The following APOBEC1 variants were observed in gnomAD, a reference collection of about 807,000 sequenced individuals.
APOBEC1 encodes the protein C->U-editing enzyme APOBEC-1.
A neutral mutation model predicts 26.3 loss-of-function variants in APOBEC1; 22 were observed. The ratio of observed to expected loss-of-function variants is 0.84; its 90% CI spans 0.60 to 1.19. The LOEUF (loss-of-function observed/expected upper bound fraction) is 1.19. Among genes scored for constraint, APOBEC1 ranks in the 50% most tolerant of loss-of-function variants. APOBEC1 has a pLI of 0.00. For missense variants in APOBEC1, 253 were observed against 289.0 expected (o/e 0.88, Z 0.90); for synonymous variants, 77 against 95.3 (o/e 0.81, Z 1.12).
intron 1 of APOBEC1, among the ~76,000 whole-genome samples, chr12:7,655,046 C>CA (rs1863693944): frequency 6.6e-6 from 1 of 151,356 alleles, no homozygotes; most frequent in Non-Finnish European, 1.5e-5. Context: ...CTGTCTCTAC[C>CA]AAAAATACAA....
upstream of APOBEC1, among the ~76,000 whole-genome samples, chr12:7,668,269 C>G (rs1592065748): frequency 2.0e-5 from 3 of 152,306 alleles, no homozygotes; most frequent in Admixed American, 2.0e-4. Context: ...AGAAGAAATG[C>G]TACCCTGATG....
chr12:7,651,071 T>G lies in APOBEC1; in HGVS notation c.513A>C (p.Pro171=), dbSNP rs754502311. 6.2e-7 allele frequency: 1 copy of G among 1,614,090 alleles called. No individual in the cohort carries two copies. Among genetic ancestry groups the G allele is most frequent in the Non-Finnish European group, 8.5e-7 (1 of 1,179,982 alleles). The change falls in exon 4 of 5, where the codon CCA becomes CCC. Residue 171 remains proline, a synonymous_variant. Transcript: ENST00000229304. ...PGDEAHWPQY[P]PLWMMLYALE... is the part of the protein sequence containing the mutation. ...GTGCGTACAACATCATCCACAGAGG[T>G]GGGTATTGTGGCCAGTGAGCTTCAT...
intron 2 of APOBEC1, among the ~76,000 whole-genome samples, chr12:7,653,443 C>T (rs7961135): frequency 0.72 from 107,260 of 149,838 alleles, 39,273 homozygotes; most frequent in Middle Eastern, 0.87. Context: ...CAGGTGTAAG[C>T]GTGTCTTTGT....
chr12:7,661,529 C>T (rs948747832), intron 1 of APOBEC1, among the ~76,000 whole-genome samples: 1 of 148,936 alleles, frequency 6.7e-6, no homozygotes, highest in Non-Finnish European at 1.5e-5. Context: ...AGATAGATAT[C>T]TCTTTATAAT....
At position 7,649,630 on chromosome 12, in the gene APOBEC1, G is replaced by A; in HGVS notation, c.628C>T (p.Leu210Phe). The change falls in exon 5 of 5, where the codon CTT (leucine) becomes TTT (phenylalanine). Residue 210 changes from leucine (L) to phenylalanine (F), a missense_variant. Coordinates refer to ENST00000229304, the MANE Select transcript of APOBEC1 (RefSeq NM_001644.5). ...QNHLTFFRLH[L>F]QNCHYQTIPP... Reference sequence around the variant, plus strand: ...ATCGTTTGGTAATGGCAGTTTTGAAGATGAAGTCTGAAAAATGTAAGATGA... The same window carrying A: ...ATCGTTTGGTAATGGCAGTTTTGAAAATGAAGTCTGAAAAATGTAAGATGA... 6.2e-7 allele frequency: 1 copy of A among 1,613,910 alleles called. No homozygotes were observed. Among genetic ancestry groups the A allele is most frequent in the South Asian group, 1.1e-5 (1 of 91,078 alleles).
At chr12:7,649,789 A>C in intron 4 of APOBEC1, 93 bp from the exon 5 acceptor site, 1 of 1,029,570 alleles carries the variant, frequency 9.7e-7, no homozygotes. Flanking sequence ...CAGTTGGAAG[A>C]CGATTTAACT....
chr12:7,659,322 A>AAATAT (rs1555094633), intron 1 of APOBEC1, among the ~76,000 whole-genome samples: 14 of 46,286 alleles, frequency 3.0e-4, no homozygotes, highest in African/African-American at 6.3e-4. Context: ...AAAAAAAAAA[A>AAATAT]ATATATATAT....
At chr12:7,662,770 C>T (rs1863837476) in intron 1 of APOBEC1, among the ~76,000 whole-genome samples, 1 of 152,056 alleles carries the variant, frequency 6.6e-6, no homozygotes, top group Admixed American at 6.6e-5. Context: ...TTTCCAAGCA[C>T]AGGGAACACC....
chr12:7,665,897 C>T lies in APOBEC1; in HGVS notation c.-25G>A. The T allele has an allele frequency of 6.2e-7, 1 of 1,613,794 alleles. No individual in the cohort carries two copies. Among genetic ancestry groups the T allele is most frequent in the Non-Finnish European group, 8.5e-7 (1 of 1,179,874 alleles). On this transcript the variant is annotated 5_prime_UTR_variant, in exon 1 of 5. Transcript: ENST00000229304. ...TGGTGCTCTGTCTCTGGACTTCCTCCTCTGGAGTCATAAGTTGTGCTGATT... is the reference window on the plus strand; with the variant it reads ...TGGTGCTCTGTCTCTGGACTTCCTCTTCTGGAGTCATAAGTTGTGCTGATT...
intron 1 of APOBEC1, among the ~76,000 whole-genome samples, chr12:7,657,577 T>TAAAA (rs3040824): frequency 1.3e-5 from 2 of 150,318 alleles, no homozygotes; most frequent in African/African-American, 4.9e-5. Context: ...AAAACAAAAT[T>TAAAA]AAAAAACAAA....
chr12:7,667,572 C>T (rs181640321), upstream of APOBEC1, among the ~76,000 whole-genome samples: 315 of 152,266 alleles, frequency 2.1e-3, 2 homozygotes, highest in African/African-American at 7.4e-3. Flanking sequence ...AAAGGCCCTT[C>T]AGAGACCAAG....
chr12:7,658,104 C>T (rs1474860626), intron 1 of APOBEC1, among the ~76,000 whole-genome samples: 4 of 152,102 alleles, frequency 2.6e-5, no homozygotes, highest in Non-Finnish European at 5.9e-5. Context: ...CACTCCACCA[C>T]CCAGGCTGGA....
intron 1 of APOBEC1, among the ~76,000 whole-genome samples, chr12:7,659,492 A>G (rs945145046): frequency 6.6e-6 from 1 of 151,284 alleles, no homozygotes; most frequent in Admixed American, 6.6e-5. Flanking sequence ...ATATTCCTAC[A>G]CACCTATCAG....
Position 7,654,782 on chromosome 12 carries a change from T to C in APOBEC1, c.17-150A>G, listed in dbSNP as rs1863690777. ...GGATTAATTGTATTGGACCAGCTCATTGTACCCAAGAAAAGCAAGATTTTT... is the reference window on the plus strand; with the variant it reads ...GGATTAATTGTATTGGACCAGCTCACTGTACCCAAGAAAAGCAAGATTTTT... On this transcript the variant is annotated intron_variant, in intron 1 of 4. Coordinates refer to ENST00000229304, the MANE Select transcript of APOBEC1 (RefSeq NM_001644.5). 6 of 799,438 alleles carry C rather than the reference T, an allele frequency of 7.5e-6. No homozygotes were observed. In the East Asian group the frequency reaches 1.4e-4, roughly 18 times the overall value. The allele number at this position is 799,438 out of a possible 1,614,324, so 49.5% of individuals were successfully genotyped here.
chr12:7,656,508 T>G (rs1386116383), intron 1 of APOBEC1, among the ~76,000 whole-genome samples: 1 of 152,188 alleles, frequency 6.6e-6, no homozygotes, highest in African/African-American at 2.4e-5. Flanking sequence ...CAAAGGTGGT[T>G]ACAAACTTAA....
At chr12:7,663,783 G>A (rs1002949941) in intron 1 of APOBEC1, among the ~76,000 whole-genome samples, 2 of 152,100 alleles carry the variant, frequency 1.3e-5, no homozygotes, top group African/African-American at 4.8e-5. Flanking sequence ...CATAAGAAAA[G>A]TCCAGGGAAG....
upstream of APOBEC1, among the ~76,000 whole-genome samples, chr12:7,668,350 C>T (rs1377181833): frequency 6.6e-6 from 1 of 152,042 alleles, no homozygotes; most frequent in Non-Finnish European, 1.5e-5. Flanking sequence ...CAATGTGTGT[C>T]GTTTTATACC....
chr12:7,657,190 G>A (rs974201401), intron 1 of APOBEC1, among the ~76,000 whole-genome samples: 1 of 151,986 alleles, frequency 6.6e-6, no homozygotes, highest in Non-Finnish European at 1.5e-5. Flanking sequence ...ACTGCATTTC[G>A]TACTAAGTTA....
chr12:7,652,956 G>A (rs1863666649), intron 2 of APOBEC1, 121 bp from the exon 3 acceptor site: 2 of 876,246 alleles, frequency 2.3e-6, no homozygotes, highest in Non-Finnish European at 3.0e-6. Flanking sequence ...TTAAGATGGA[G>A]TCTCACACTG....
Sources: allele counts gnomAD v4.1 joint callset (sites outside exome capture counted in the v4.1 genomes callset), GRCh38; gene constraint gnomAD v4.1.1; transcripts MANE v1.5; gene names NCBI Gene and HGNC (gene_info 2026-07-23, HGNC 2026-07-21).